Variants in FSTL5 observed in about 807,000 individuals in gnomAD.
FSTL5 encodes the protein follistatin-related protein 5.
Under a neutral mutation model 89.1 loss-of-function variants are expected in FSTL5, and 62 were observed. The ratio of observed to expected loss-of-function variants is 0.70; its 90% confidence interval spans 0.57 to 0.86. The LOEUF is 0.86. Among genes scored for constraint, FSTL5 ranks in the 40% least tolerant of loss-of-function variants. The probability of loss-of-function intolerance (pLI) is 0.00; values close to 1 mark genes in which losing one functional copy is unlikely to be tolerated. For synonymous variants in FSTL5, 383 were observed against 346.2 expected, an observed-to-expected ratio of 1.11 and a Z score of -1.18; for missense variants, 1,057 against 1,001.6, an observed-to-expected ratio of 1.06 and a Z score of -0.75.
intron 15 of FSTL5, among the ~76,000 whole-genome samples, chr4:161,438,600 A>G (rs1018330690): frequency 6.6e-6 from 1 of 152,206 alleles, no homozygotes; most frequent in East Asian, 1.9e-4. Flanking sequence ...AATTCTAAAG[A>G]ACACCCGAAA....
intron 7 of FSTL5, among the ~76,000 whole-genome samples, chr4:161,637,901 G>A (rs2126664165): frequency 7.3e-6 from 1 of 137,678 alleles, no homozygotes; most frequent in African/African-American, 2.8e-5. Context: ...GTAGTGTGAT[G>A]CCTCCAGCTT....
intron 6 of FSTL5, among the ~76,000 whole-genome samples, chr4:161,704,598 TG>T (rs1738508297): frequency 6.6e-6 from 1 of 152,106 alleles, no homozygotes; most frequent in Non-Finnish European, 1.5e-5. Context: ...TTTTTTCCTC[TG>T]GTAAAGAATT....
At chr4:161,705,365 G>T (rs1738532890) in intron 6 of FSTL5, among the ~76,000 whole-genome samples, 1 of 151,966 alleles carries the variant, frequency 6.6e-6, no homozygotes, top group African/African-American at 2.4e-5. Context: ...TTTCCTAAAA[G>T]AAAAGTCAGC....
At chr4:162,154,734 T>G (rs1297747704) in intron 1 of FSTL5, among the ~76,000 whole-genome samples, 3 of 152,058 alleles carry the variant, frequency 2.0e-5, no homozygotes, top group Non-Finnish European at 2.9e-5. Context: ...ATGTAACAAA[T>G]GCAAGCATAA....
intron 1 of FSTL5, among the ~76,000 whole-genome samples, chr4:162,140,760 G>A (rs1732697022): frequency 6.6e-6 from 1 of 152,138 alleles, no homozygotes; most frequent in African/African-American, 2.4e-5. Context: ...AGCAGTGGAG[G>A]TGATAAAACA....
chr4:162,090,832 A>C (rs1329245630), intron 2 of FSTL5, among the ~76,000 whole-genome samples: 1 of 151,848 alleles, frequency 6.6e-6, no homozygotes, highest in Non-Finnish European at 1.5e-5. Context: ...CACACGAGAT[A>C]CCATCTCACA....
At chr4:161,570,366 A>T (rs1732963471) in intron 8 of FSTL5, among the ~76,000 whole-genome samples, 1 of 152,158 alleles carries the variant, frequency 6.6e-6, no homozygotes. Context: ...CCAAGTGTAA[A>T]TGTTTGTTAT....
rs1031334654 is a variant in FSTL5, at chr4:161,673,384, G to T, written c.728-16890C>A. 2.6e-5 allele frequency among the ~76,000 whole-genome samples: 4 copies of T among 151,900 alleles called. No individual in the cohort carries two copies. The South Asian group carries it at 8.3e-4, about 31-fold the overall frequency. On this transcript the variant is annotated intron_variant, in intron 6 of 15. Coordinates refer to ENST00000306100, the MANE Select transcript of FSTL5 (RefSeq NM_020116.5). ...TCAGTTTTGTAAATATTTTACTATG[G>T]TAATATATCCTGCTCATTTGAAGTA...
chr4:161,683,031 C>G (rs1011912676), intron 6 of FSTL5, among the ~76,000 whole-genome samples: 2 of 152,138 alleles, frequency 1.3e-5, no homozygotes. Flanking sequence ...AGGCGTGAGC[C>G]ACCGTGCCCG....
intron 13 of FSTL5, among the ~76,000 whole-genome samples, chr4:161,477,637 T>C (rs1254832174): frequency 7.7e-6 from 1 of 129,084 alleles, no homozygotes; most frequent in African/African-American, 2.9e-5. Context: ...ATAATTCAGG[T>C]CTATCTCTGA....
At chr4:162,075,147 G>A (rs1492447) in intron 2 of FSTL5, among the ~76,000 whole-genome samples, 5 of 151,624 alleles carry the variant, frequency 3.3e-5, no homozygotes, top group African/African-American at 9.7e-5. Context: ...ATGAAGACTC[G>A]AAGCCAAAGC....
At chr4:161,466,822 G>A (rs1255768830) in intron 13 of FSTL5, among the ~76,000 whole-genome samples, 1 of 151,914 alleles carries the variant, frequency 6.6e-6, no homozygotes, top group Non-Finnish European at 1.5e-5. Flanking sequence ...TGATACTGAT[G>A]TATTTGCTGA....
At chr4:161,448,011 G>T (rs1419724736) in intron 15 of FSTL5, among the ~76,000 whole-genome samples, 1 of 152,042 alleles carries the variant, frequency 6.6e-6, no homozygotes, top group Non-Finnish European at 1.5e-5. Flanking sequence ...GGAGTGGAGA[G>T]GGGGAGTAAA....
At chr4:161,457,405 G>C (rs1400059903) in intron 14 of FSTL5, among the ~76,000 whole-genome samples, 1 of 151,820 alleles carries the variant, frequency 6.6e-6, no homozygotes. Context: ...TGTTTTATTA[G>C]GCATCCAGAG....
chr4:161,527,470 A>C (rs1731264621), intron 10 of FSTL5, among the ~76,000 whole-genome samples: 2 of 151,838 alleles, frequency 1.3e-5, no homozygotes, highest in East Asian at 1.9e-4. Flanking sequence ...CAACCCCTTC[A>C]AAAAGTGGGT....
intron 5 of FSTL5, among the ~76,000 whole-genome samples, chr4:161,760,515 T>G (rs1208540501): frequency 1.3e-5 from 2 of 152,168 alleles, no homozygotes; most frequent in Non-Finnish European, 2.9e-5. Flanking sequence ...CAATAATTTC[T>G]GGCAAATCAT....
intron 3 of FSTL5, among the ~76,000 whole-genome samples, chr4:161,976,117 CAAAAAAAAA>C (rs371745777): frequency 3.1e-5 from 2 of 65,380 alleles, no homozygotes; most frequent in Non-Finnish European, 6.1e-5. Context: ...GACTCCGCCT[CAAAAAAAAA>C]AAAAAAAAAA....
At chr4:162,014,269 C>T (rs1006969773) in intron 3 of FSTL5, among the ~76,000 whole-genome samples, 1 of 152,194 alleles carries the variant, frequency 6.6e-6, no homozygotes, top group Non-Finnish European at 1.5e-5. Flanking sequence ...TTGCTATTTG[C>T]AATGTGCTTT....
In FSTL5 at chr4:161,388,806, C is replaced by T. The variant is rs529022027; in HGVS notation, c.1842-2357G>A. ...TCCCTTTAGGCTAGATTTTCAAATG[C>T]TAATGAGGAAGAATGAGACAAGCTC... On this transcript the variant is annotated intron_variant, in intron 15 of 15. Transcript: ENST00000306100. 6.6e-5 allele frequency among the ~76,000 whole-genome samples: 10 copies of T among 152,152 alleles called. No individual in the cohort carries two copies. In the South Asian group the frequency reaches 2.1e-3, roughly 32 times the overall value.
Sources: gnomAD v4.1 joint callset for allele counts (sites outside exome capture counted in the v4.1 genomes callset) on GRCh38, gnomAD v4.1.1 for gene constraint, MANE v1.5 for transcripts, NCBI Gene and HGNC (gene_info 2026-07-23, HGNC 2026-07-21) for gene names.